The following ATG2B variants were observed in gnomAD, a reference collection of about 807,000 sequenced individuals.
The protein encoded by ATG2B is autophagy related 2B.
A neutral mutation model predicts 241.3 loss-of-function variants in ATG2B; 121 were observed. The observed-to-expected ratio is 0.50, with a 90% CI of 0.43 to 0.58. ATG2B has a LOEUF of 0.58. Among genes scored for constraint, ATG2B ranks in the 20% least tolerant of loss-of-function variants. ATG2B has a pLI of 0.00. For synonymous variants in ATG2B, 858 were observed against 876.6 expected, an observed-to-expected ratio of 0.98 and a Z score of 0.37; for missense variants, 2,306 against 2,491.6, an observed-to-expected ratio of 0.93 and a Z score of 1.59.
Position 96,313,378 on chromosome 14 carries a change from A to G in ATG2B, c.3700T>C (p.Ser1234Pro). 1 of 1,599,378 alleles carries G rather than the reference A, an allele frequency of 6.3e-7. No homozygotes were observed. Among genetic ancestry groups the G allele is most frequent in the Non-Finnish European group, 8.5e-7 (1 of 1,176,052 alleles). ...AGATGAACATGAAAAGTTGTAAATG[A>G]AGTTGGAGGATTATATCCCAAAACA... Reference protein sequence around the residue: ...EPVLGYNPPTSFTTFHVHLWS... With the variant: ...EPVLGYNPPTPFTTFHVHLWS... The change falls in exon 24 of 42, where the codon TCA (serine) becomes CCA (proline). Residue 1234 changes from serine to proline, a missense_variant. By Grantham distance (74) the Ser-to-Pro change is moderately conservative. Coordinates refer to ENST00000359933, the MANE Select transcript of ATG2B (RefSeq NM_018036.7).
chr14:96,328,606 T>A, intron 13 of ATG2B, 68 bp downstream of exon 13: 2 of 1,554,446 alleles, frequency 1.3e-6, no homozygotes, highest in South Asian at 2.4e-5. Context: ...GTTAAAACCT[T>A]ATAATTGTGA....
At chr14:96,306,606 T>A in intron 30 of ATG2B, 108 bp downstream of exon 30, 1 of 925,012 alleles carries the variant, frequency 1.1e-6, no homozygotes, top group Non-Finnish European at 1.6e-6. Flanking sequence ...AAAAAGTAAC[T>A]CTGAACTATA....
At position 96,285,910 on chromosome 14, in the gene ATG2B, C is replaced by T. The variant is rs763842413; in HGVS notation, c.6082G>A (p.Val2028Met). ...GGAATCTGGCGCAGAACCTCGCCCA[C>T]GGCACCAGTCACCCCTCTGCTCTCG... ...EHESRGVTGA[V>M]GEVLRQIPPA... The change falls in exon 42 of 42, where the codon GTG becomes ATG. Residue 2028 changes from valine (V) to methionine (M), a missense_variant. Val to Met is a conservative substitution (Grantham distance 21). Around this residue, in one of 2 missense-constraint regions of ATG2B, gnomAD observed 379 missense variants for 480.4 expected, o/e 0.79. Transcript: ENST00000359933. The surrounding 1 kb of genome is among the most constrained non-coding windows in gnomAD (Gnocchi z 4.2). 29 of 1,613,942 alleles carry T rather than the reference C, an allele frequency of 1.8e-5. No homozygotes were observed. The highest frequency in any genetic ancestry group is 8.0e-5 in the African/African-American group (6 of 74,928).
chr14:96,341,746 A>T, intron 5 of ATG2B, 45 bp from the exon 6 acceptor site: 1 of 1,261,938 alleles, frequency 7.9e-7, no homozygotes, highest in Non-Finnish European at 1.1e-6. Context: ...ACTTTCATAT[A>T]AATAAAATGA....
chr14:96,362,663 AAC>A, intron 1 of ATG2B, 150 bp downstream of exon 1: 1 of 749,340 alleles, frequency 1.3e-6, no homozygotes, highest in South Asian at 2.0e-5. Flanking sequence ...CAGATTAAAC[AAC>A]ACTCTAACAC....
In ATG2B at chr14:96,282,370, A is replaced by G. The variant is rs1429061749; in HGVS notation, c.*3385T>C. ...TGATGGAGAAAAGAACTTGACGGAC[A>G]TTCTCTCTGAAGTCTTAAGGAGGTC... On this transcript the variant is annotated 3_prime_UTR_variant, in exon 42 of 42. Transcript: ENST00000359933. The G allele has an allele frequency of 6.6e-6, 1 of 152,248 alleles. No homozygotes were observed. The highest frequency in any genetic ancestry group is 2.4e-5 in the African/African-American group (1 of 41,468). The allele number at this position is 152,248 out of a possible 1,614,324, so 9.4% of individuals were successfully genotyped here. A position where few individuals can be genotyped will look rare whatever the true frequency, so the allele number is the denominator to read the frequency against.
chr14:96,309,648 C>A (rs1887095667), intron 28 of ATG2B, 54 bp from the exon 29 acceptor site: 5 of 1,506,778 alleles, frequency 3.3e-6, no homozygotes, highest in Non-Finnish European at 4.5e-6. Flanking sequence ...AAAAACCAAA[C>A]TACTTACATT....
In ATG2B at chr14:96,290,075, G is replaced by T; in HGVS notation, c.5857-270C>A. ...GAGAACACTCAACATTTCCACATCAGTCTATGGAGCTTAATACTTACTAGA... is the reference window on the plus strand; with the variant it reads ...GAGAACACTCAACATTTCCACATCATTCTATGGAGCTTAATACTTACTAGA... On this transcript the variant is annotated intron_variant, in intron 40 of 41. Coordinates refer to ENST00000359933, the MANE Select transcript of ATG2B (RefSeq NM_018036.7). The surrounding 1 kb of genome is among the most constrained non-coding windows in gnomAD (Gnocchi z 4.4). 8.4e-7 allele frequency: 1 copy of T among 1,193,470 alleles called. No individual in the cohort carries two copies. Among genetic ancestry groups the T allele is most frequent in the South Asian group, 2.0e-5 (1 of 50,664 alleles). 73.9% of individuals were successfully genotyped at this position (1,193,470 alleles called of 1,614,324 possible).
At position 96,324,694 on chromosome 14, in the gene ATG2B, TAC is replaced by T. The variant is rs1887545343; in HGVS notation, c.2438-698_2438-697del. On this transcript the variant is annotated intron_variant, in intron 15 of 41. Coordinates refer to ENST00000359933, the MANE Select transcript of ATG2B (RefSeq NM_018036.7). ...AAAAACAACAACAACAAAAATTCTA[TAC>T]GTGTTTTTTCAATCCATTTTACAAA... 2.0e-5 allele frequency among the ~76,000 whole-genome samples: 3 copies of T among 152,232 alleles called. No individual in the cohort carries two copies. The South Asian group carries it at 6.2e-4, about 32-fold the overall frequency.
Position 96,289,950 on chromosome 14 carries a change from T to C in ATG2B, c.5857-145A>G, listed in dbSNP as rs912495958. ...GACACTTCTGCGTATCTGAATTCTTTACCACAAGAATTGATGACTTTTATA... is the reference window on the plus strand; with the variant it reads ...GACACTTCTGCGTATCTGAATTCTTCACCACAAGAATTGATGACTTTTATA... On this transcript the variant is annotated intron_variant, in intron 40 of 41. Coordinates refer to ENST00000359933, the MANE Select transcript of ATG2B (RefSeq NM_018036.7). The surrounding 1 kb of genome is among the most constrained non-coding windows in gnomAD (Gnocchi z 4.3). 4.4e-6 allele frequency: 4 copies of C among 906,002 alleles called. No individual in the cohort carries two copies. Among genetic ancestry groups the C allele is most frequent in the Non-Finnish European group, 6.5e-6 (4 of 616,658 alleles). 56.1% of individuals were successfully genotyped at this position (906,002 alleles called of 1,614,324 possible).
intron 36 of ATG2B, among the ~76,000 whole-genome samples, chr14:96,294,378 A>C (rs1886572334): frequency 6.6e-6 from 1 of 152,230 alleles, no homozygotes; most frequent in African/African-American, 2.4e-5. Context: ...TGAGAAGAAC[A>C]AACAGGTCTG....
chr14:96,290,056 A>G lies in ATG2B; in HGVS notation c.5857-251T>C. ...AGCCCCTCCTCTGTTCACTGAGAACACTCAACATTTCCACATCAGTCTATG... is the reference window on the plus strand; with the variant it reads ...AGCCCCTCCTCTGTTCACTGAGAACGCTCAACATTTCCACATCAGTCTATG... On this transcript the variant is annotated intron_variant, in intron 40 of 41. Transcript: ENST00000359933. The surrounding 1 kb of genome is among the most constrained non-coding windows in gnomAD (Gnocchi z 4.4). The G allele has an allele frequency of 8.8e-7, 1 of 1,131,518 alleles. No homozygotes were observed. Among genetic ancestry groups the G allele is most frequent in the South Asian group, 2.0e-5 (1 of 50,726 alleles). 70.1% of individuals were successfully genotyped at this position (1,131,518 alleles called of 1,614,324 possible).
chr14:96,321,962 A>G (rs1887468982), intron 18 of ATG2B, 150 bp downstream of exon 18: 5 of 581,314 alleles, frequency 8.6e-6, no homozygotes, highest in Non-Finnish European at 1.1e-5. Flanking sequence ...ATAGCACATC[A>G]TAACGGCAAT....
intron 1 of ATG2B, among the ~76,000 whole-genome samples, chr14:96,352,381 TA>T (rs919800317): frequency 1.0e-3 from 148 of 145,776 alleles, no homozygotes; most frequent in South Asian, 9.7e-3. Context: ...ACTCCTACTT[TA>T]AAAAAAAAAA....
intron 34 of ATG2B, among the ~76,000 whole-genome samples, chr14:96,299,605 T>G (rs1886736106): frequency 6.6e-6 from 1 of 152,134 alleles, no homozygotes; most frequent in South Asian, 2.1e-4. Context: ...AGTCAGGAAA[T>G]CCGGCCCCCT....
chr14:96,333,084 T>C (rs1887782709), intron 8 of ATG2B, among the ~76,000 whole-genome samples: 1 of 152,130 alleles, frequency 6.6e-6, no homozygotes, highest in African/African-American at 2.4e-5. Context: ...GTTCCTTCTT[T>C]CGGAATTGTT....
intron 1 of ATG2B, among the ~76,000 whole-genome samples, 194 bp from the exon 2 acceptor site, chr14:96,347,535 T>G (rs1326083471): frequency 6.6e-6 from 1 of 152,098 alleles, no homozygotes; most frequent in South Asian, 2.1e-4. Context: ...ATTAACAAAG[T>G]GAAGGGATAA....
chr14:96,315,940 T>C (rs948692953), intron 21 of ATG2B, among the ~76,000 whole-genome samples: 1 of 152,236 alleles, frequency 6.6e-6, no homozygotes, highest in African/African-American at 2.4e-5. Flanking sequence ...ATAAAGAACA[T>C]ATAGTCCCAT....
intron 11 of ATG2B, among the ~76,000 whole-genome samples, chr14:96,330,455 C>G: frequency 6.6e-6 from 1 of 152,038 alleles, no homozygotes; most frequent in South Asian, 2.1e-4. Context: ...AATTGTAAAA[C>G]AGAGTTTGCA....
Sources: allele counts gnomAD v4.1 joint callset (sites outside exome capture counted in the v4.1 genomes callset), GRCh38; gene constraint gnomAD v4.1.1; regional missense constraint gnomAD v4.1.1; non-coding constraint Gnocchi (gnomAD v3.1); transcripts MANE v1.5; gene names NCBI Gene and HGNC (gene_info 2026-07-23, HGNC 2026-07-21).